Variants in COL4A6 observed in about 807,000 individuals in gnomAD.
COL4A6 encodes the protein collagen alpha-6(IV) chain.
Under a neutral mutation model 126.7 loss-of-function variants are expected in COL4A6, and 59 were observed. The ratio of observed to expected loss-of-function variants is 0.47; its 90% CI spans 0.38 to 0.58. COL4A6 has a LOEUF of 0.58. COL4A6 is among the 20% of genes least tolerant of loss of function. The pLI is 0.00. For synonymous variants in COL4A6, 547 were observed against 496.6 expected (o/e 1.10, Z -1.35); for missense variants, 1,285 against 1,337.3 (o/e 0.96, Z 0.61).
intron 2 of COL4A6, among the ~76,000 whole-genome samples, chrX:108,403,190 T>C (rs1055872474): frequency 2.8e-4 from 30 of 107,943 alleles, no homozygotes; most frequent in African/African-American, 1.0e-3. Context: ...TTTTTCTTGA[T>C]GGTGTCCTAA....
chrX:108,379,057 A>G (rs1200869240), intron 2 of COL4A6, among the ~76,000 whole-genome samples: 1 of 112,186 alleles, frequency 8.9e-6, no homozygotes, highest in East Asian at 2.8e-4. Context: ...CCATGGACCC[A>G]CATTGGATCT....
chrX:108,217,811 G>A (rs1259608842), intron 5 of COL4A6, among the ~76,000 whole-genome samples: 1 of 111,970 alleles, frequency 8.9e-6, no homozygotes, highest in African/African-American at 3.2e-5. Context: ...GCAATCAGAA[G>A]TCAAAAGAAA....
At chrX:108,390,363 C>A (rs968717261) in intron 2 of COL4A6, among the ~76,000 whole-genome samples, 4 of 110,886 alleles carry the variant, frequency 3.6e-5, no homozygotes, top group African/African-American at 1.3e-4. Flanking sequence ...TTTTCAGGTA[C>A]ACCAATCAAA....
intron 2 of COL4A6, among the ~76,000 whole-genome samples, chrX:108,420,421 G>C (rs759146403): frequency 5.0e-4 from 56 of 111,355 alleles, no homozygotes; most frequent in Non-Finnish European, 3.2e-4. Flanking sequence ...GTTATTTTAA[G>C]CTACTGAGAT....
At chrX:108,235,950 G>A (rs1258034495) in intron 3 of COL4A6, among the ~76,000 whole-genome samples, 2 of 110,765 alleles carry the variant, frequency 1.8e-5, no homozygotes, top group Non-Finnish European at 3.8e-5. Context: ...GGGCCTGGCC[G>A]GATGGTGAAC....
intron 2 of COL4A6, among the ~76,000 whole-genome samples, chrX:108,398,025 C>T (rs763554967): frequency 1.8e-5 from 2 of 112,323 alleles, no homozygotes; most frequent in South Asian, 7.4e-4. Flanking sequence ...GAGTTTAGTC[C>T]ACAAAACAGC....
intron 3 of COL4A6, among the ~76,000 whole-genome samples, chrX:108,222,035 T>C (rs2036031742): frequency 8.9e-6 from 1 of 112,868 alleles, no homozygotes; most frequent in African/African-American, 3.2e-5. Flanking sequence ...AAGTGTTGAA[T>C]GTGTAAAATA....
rs765885538 is a variant in COL4A6, at chrX:108,310,221, CTTTAAAACGTATCCTATG to C, written c.144+509_144+526del. 5.4e-5 allele frequency among the ~76,000 whole-genome samples: 6 copies of C among 111,844 alleles called. No individual in the cohort carries two copies. In the East Asian group the frequency reaches 1.7e-3, roughly 32 times the overall value. On this transcript the variant is annotated intron_variant, in intron 3 of 44. Coordinates refer to ENST00000334504, the MANE Select transcript of COL4A6 (RefSeq NM_033641.4). The stretch of plus-strand genomic sequence containing the variant: ...ACAATACACGGACTGTGTCACAACA[CTTTAAAACGTATCCTATG>C]TTGTAATTTAATACCTATAAACCAT...
chrX:108,279,362 A>G (rs751147949), intron 3 of COL4A6, among the ~76,000 whole-genome samples: 1 of 111,502 alleles, frequency 9.0e-6, no homozygotes, highest in Non-Finnish European at 1.9e-5. Context: ...GATAAAACAC[A>G]CTTTAAACCA....
At chrX:108,361,555 T>G (rs1198637454) in intron 2 of COL4A6, among the ~76,000 whole-genome samples, 1 of 111,806 alleles carries the variant, frequency 8.9e-6, no homozygotes, top group Non-Finnish European at 1.9e-5. Context: ...CTAGGCCCAG[T>G]GCACTAAGTC....
chrX:108,258,063 T>C (rs2037052857), intron 3 of COL4A6, among the ~76,000 whole-genome samples: 2 of 111,524 alleles, frequency 1.8e-5, no homozygotes, highest in South Asian at 7.5e-4. Flanking sequence ...TGTACACTTA[T>C]AATGCTCTTC....
chrX:108,250,270 G>A (rs770808213), intron 3 of COL4A6, among the ~76,000 whole-genome samples: 2 of 110,575 alleles, frequency 1.8e-5, no homozygotes, highest in East Asian at 5.7e-4. Context: ...TGGAGGCAAA[G>A]ATTAAGACCC....
intron 2 of COL4A6, among the ~76,000 whole-genome samples, chrX:108,372,270 A>G (rs778911837): frequency 3.8e-4 from 42 of 111,247 alleles, no homozygotes; most frequent in Non-Finnish European, 7.4e-4. Context: ...TGAAACTCCT[A>G]TCTAATCAAA....
chrX:108,303,002 A>ACC (rs201270245), intron 3 of COL4A6, among the ~76,000 whole-genome samples: 4 of 60,674 alleles, frequency 6.6e-5, no homozygotes, highest in African/African-American at 2.3e-4. Flanking sequence ...TCCCCCCTCC[A>ACC]CCCCCCCAAT....
intron 28 of COL4A6, among the ~76,000 whole-genome samples, chrX:108,176,481 T>A (rs1027822014): frequency 2.7e-5 from 3 of 111,181 alleles, no homozygotes; most frequent in African/African-American, 9.8e-5. Context: ...TTCCCTTTTT[T>A]TAAATGGAGA....
chrX:108,241,852 A>T (rs980078208), intron 3 of COL4A6, among the ~76,000 whole-genome samples: 28 of 110,585 alleles, frequency 2.5e-4, no homozygotes, highest in African/African-American at 9.2e-4. Context: ...GATAGCAGAG[A>T]GTTCCAGTAC....
intron 2 of COL4A6, among the ~76,000 whole-genome samples, chrX:108,360,127 A>C (rs1186431311): frequency 3.6e-5 from 4 of 112,262 alleles, no homozygotes; most frequent in Non-Finnish European, 7.5e-5. Flanking sequence ...GGATCTATCC[A>C]GTTTTCCTTC....
At chrX:108,204,261 T>C in intron 12 of COL4A6, 59 bp downstream of exon 12, 2 of 879,222 alleles carry the variant, frequency 2.3e-6, no homozygotes, top group Non-Finnish European at 3.1e-6. Flanking sequence ...GTTAAGTTCT[T>C]GTATTATAAT....
At chrX:108,378,965 C>A (rs768749364) in intron 2 of COL4A6, among the ~76,000 whole-genome samples, 21 of 112,337 alleles carry the variant, frequency 1.9e-4, no homozygotes, top group Non-Finnish European at 3.6e-4. Context: ...TTTGCTGACT[C>A]CTGCCTTAGG....
Sources: gnomAD v4.1 joint callset for allele counts (sites outside exome capture counted in the v4.1 genomes callset) on GRCh38, gnomAD v4.1.1 for gene constraint, MANE v1.5 for transcripts, NCBI Gene and HGNC (gene_info 2026-07-23, HGNC 2026-07-21) for gene names.